Variants in AFG3L2 observed in about 807,000 individuals in gnomAD.
AFG3L2 encodes the protein AFG3 like matrix AAA peptidase subunit 2.
AFG3L2 carries 54 observed loss-of-function variants against 94.5 expected under a neutral mutation model. That is an observed-to-expected ratio of 0.57 (90% CI 0.46 to 0.72). The LOEUF is 0.72. AFG3L2 is among the 30% of genes least tolerant of loss of function. AFG3L2 has a pLI of 0.00. For synonymous variants in AFG3L2, 377 were observed against 365.5 expected (o/e 1.03, Z -0.36); for missense variants, 754 against 994.9 (o/e 0.76, Z 3.26).
At chr18:12,344,499 A>G (rs1374755754) in intron 13 of AFG3L2, among the ~76,000 whole-genome samples, 1 of 151,834 alleles carries the variant, frequency 6.6e-6, no homozygotes, top group East Asian at 1.9e-4. Flanking sequence ...ACATGGTGAA[A>G]CCCCGTCTCT....
chr18:12,333,820 C>T (rs1330761950), intron 16 of AFG3L2, among the ~76,000 whole-genome samples: 1 of 152,180 alleles, frequency 6.6e-6, no homozygotes, highest in Non-Finnish European at 1.5e-5. Context: ...TCCGCAGCTG[C>T]CTTACAGGGC....
chr18:12,366,818 T>C, intron 5 of AFG3L2, 147 bp downstream of exon 5: 2 of 1,135,676 alleles, frequency 1.8e-6, no homozygotes, highest in Non-Finnish European at 2.6e-6. Flanking sequence ...CTAGTTGCAG[T>C]ACTTCTCAGC....
chr18:12,341,822 T>G (rs1009885956), intron 14 of AFG3L2: 2 of 152,188 alleles, frequency 1.3e-5, no homozygotes, highest in Non-Finnish European at 2.9e-5. Flanking sequence ...TGCCAAACTG[T>G]TTTCCAAAAC....
At position 12,329,127 on chromosome 18, in the gene AFG3L2, C is replaced by T. The variant is rs1447679088; in HGVS notation, c.*438G>A. The T allele has an allele frequency of 1.0e-5, 7 of 702,812 alleles. No individual in the cohort carries two copies. Among genetic ancestry groups the T allele is most frequent in the African/African-American group, 1.7e-5 (1 of 57,250 alleles). 43.5% of individuals were successfully genotyped at this position (702,812 alleles called of 1,614,324 possible). A position where few individuals can be genotyped will look rare whatever the true frequency, so the allele number is the denominator to read the frequency against. On this transcript the variant is annotated 3_prime_UTR_variant, in exon 17 of 17. Transcript: ENST00000269143. The stretch of plus-strand genomic sequence containing the variant: ...TCAAATTAAAATGTTCTTATCAAGA[C>T]TCCAATTTAATTTCACAGCCCATCT...
chr18:12,332,873 A>G (rs1359032571), intron 16 of AFG3L2, among the ~76,000 whole-genome samples: 2 of 44,324 alleles, frequency 4.5e-5, no homozygotes, highest in East Asian at 4.6e-4. Context: ...GTGGGTGATC[A>G]CTTACATTTC....
chr18:12,340,587 C>T (rs879150858), intron 14 of AFG3L2, among the ~76,000 whole-genome samples, 186 bp from the exon 15 acceptor site: 1 of 33,226 alleles, frequency 3.0e-5, no homozygotes, highest in Admixed American at 4.4e-4. Context: ...GATAAGTTCA[C>T]CTTAGAGTGT....
At chr18:12,345,878 G>T (rs7233709) in intron 13 of AFG3L2, among the ~76,000 whole-genome samples, 133,557 of 151,872 alleles carry the variant, frequency 0.88, 58,719 homozygotes, top group Non-Finnish European at 0.89. Context: ...GAATAAAAGG[G>T]CTGGTGATTC....
At chr18:12,329,934 T>G (rs772713904) in intron 16 of AFG3L2, 151 bp from the exon 17 acceptor site, 14 of 697,984 alleles carry the variant, frequency 2.0e-5, no homozygotes, top group Non-Finnish European at 3.4e-5. Context: ...AGTTTTAGAG[T>G]AAGATGTGCA....
rs1285632115 is a variant in AFG3L2, at chr18:12,376,970, G to T, written c.113C>A (p.Thr38Lys). ...VGPGEQPCLR[T>K]LYRFVTTQAR... The stretch of plus-strand genomic sequence containing the variant: ...GCCGGGCGCCCAGGTAGGACTCACC[G>T]TCCGGAGGCAGGGCTGCTCGCCCGG... The change falls in exon 1 of 17, where the codon ACG (threonine) becomes AAG (lysine). Residue 38 changes from threonine (T) to lysine (K), a missense_variant and splice_region_variant. Thr to Lys is a moderately conservative substitution (Grantham distance 78, BLOSUM62 -1). Around this residue, in one of 4 missense-constraint regions of AFG3L2, gnomAD observed 236 missense variants for 214.0 expected, o/e 1.10. Coordinates refer to ENST00000269143, the MANE Select transcript of AFG3L2 (RefSeq NM_006796.3). 6.9e-7 allele frequency: 1 copy of T among 1,457,106 alleles called. No homozygotes were observed. The highest frequency in any genetic ancestry group is 9.0e-7 in the Non-Finnish European group (1 of 1,108,574). The allele number at this position is 1,457,106 out of a possible 1,614,324, so 90.3% of individuals were successfully genotyped here.
chr18:12,370,811 A>C (rs769900076), intron 3 of AFG3L2, 38 bp downstream of exon 3: 68 of 1,380,272 alleles, frequency 4.9e-5, no homozygotes, highest in Non-Finnish European at 6.6e-5. Flanking sequence ...ACATGAGGGG[A>C]AAACACAAAA....
At chr18:12,370,791 C>CCTCA (rs1908960373) in intron 3 of AFG3L2, 58 bp downstream of exon 3, 2 of 1,141,256 alleles carry the variant, frequency 1.8e-6, no homozygotes, top group East Asian at 4.8e-5. Flanking sequence ...GTGGAAACTA[C>CCTCA]CACCATTATA....
intron 9 of AFG3L2, among the ~76,000 whole-genome samples, chr18:12,353,514 C>CAAAAAAAAAAA (rs71172076): frequency 2.5e-5 from 2 of 81,060 alleles, no homozygotes; most frequent in African/African-American, 4.8e-5. Context: ...AATTCTGTCT[C>CAAAAAAAAAAA]AAAAAAAAAA....
rs1399053592 is a variant in AFG3L2 at position 12,352,871 on chromosome 18, C to T, written c.1318+134G>A. On this transcript the variant is annotated intron_variant, in intron 10 of 16. Transcript: ENST00000269143. ...TCAGGAGACTGAGGCAGGAGGATCG[C>T]TTGAACCCAGGGGTCAGAGGATGCA... 5 of 1,280,644 alleles carry T rather than the reference C, an allele frequency of 3.9e-6. No individual in the cohort carries two copies. The Admixed American group carries it at 9.0e-5, about 23-fold the overall frequency. The allele number at this position is 1,280,644 out of a possible 1,614,324, so 79.3% of individuals were successfully genotyped here.
Position 12,359,216 on chromosome 18 carries a change from A to T in AFG3L2, c.753-273T>A, listed in dbSNP as rs28372882. Among the ~76,000 whole-genome samples the T allele has an allele frequency of 0.68, 103,580 of 152,028 alleles. 36,572 individuals are homozygous for T. The highest frequency in any genetic ancestry group is 0.78 in the Non-Finnish European group (53,060 of 68,004). ...TTATTAAAGACAACCCCCAAAGAAG[A>T]AGTTCTGATGAGAGAAGAATCACCT... On this transcript the variant is annotated intron_variant, in intron 7 of 16. Coordinates refer to ENST00000269143, the MANE Select transcript of AFG3L2 (RefSeq NM_006796.3).
chr18:12,339,746 G>A (rs1194298932), intron 15 of AFG3L2, among the ~76,000 whole-genome samples: 2 of 150,192 alleles, frequency 1.3e-5, no homozygotes, highest in Admixed American at 1.3e-4. Flanking sequence ...CTCCTCAGGA[G>A]ACTGAGGCAG....
intron 3 of AFG3L2, among the ~76,000 whole-genome samples, chr18:12,367,835 T>G (rs1329954615): frequency 6.6e-6 from 1 of 152,086 alleles, no homozygotes; most frequent in Non-Finnish European, 1.5e-5. Flanking sequence ...GAGAATCCCT[T>G]GAGCCCAGGA....
intron 14 of AFG3L2, chr18:12,340,967 G>A (rs997726498): frequency 6.4e-6 from 1 of 155,566 alleles, no homozygotes; most frequent in East Asian, 1.9e-4. Flanking sequence ...TTTGCTGCTC[G>A]GGATGGTCTT....
At chr18:12,339,885 T>C (rs907107668) in intron 15 of AFG3L2, among the ~76,000 whole-genome samples, 1 of 145,766 alleles carries the variant, frequency 6.9e-6, no homozygotes, top group Non-Finnish European at 1.5e-5. Flanking sequence ...CCACATGTGG[T>C]GGCGCATGCC....
intron 6 of AFG3L2, among the ~76,000 whole-genome samples, chr18:12,361,859 G>T (rs1908671796): frequency 6.6e-6 from 1 of 152,160 alleles, no homozygotes. Flanking sequence ...TGGTTACAAA[G>T]CCCCAAAACC....
Sources: allele counts gnomAD v4.1 joint callset (sites outside exome capture counted in the v4.1 genomes callset), GRCh38; gene constraint gnomAD v4.1.1; regional missense constraint gnomAD v4.1.1; transcripts MANE v1.5; gene names NCBI Gene and HGNC (gene_info 2026-07-23, HGNC 2026-07-21).